The following SP4 variants were observed in gnomAD, a reference collection of about 807,000 sequenced individuals.
SP4 encodes the protein transcription factor Sp4.
In SP4, 19 loss-of-function variants were observed where a neutral mutation model predicts 72.8. The ratio of observed to expected loss-of-function variants is 0.26; its 90% CI spans 0.18 to 0.38. The LOEUF is 0.38. Ranked by LOEUF, SP4 falls within the 10% of genes least tolerant of loss-of-function variation. SP4 has a pLI of 1.00. For synonymous variants in SP4, 395 were observed against 333.1 expected (o/e 1.19, Z -2.02); for missense variants, 1,008 against 926.3 (o/e 1.09, Z -1.14).
At position 21,436,191 on chromosome 7, in the gene SP4, G is replaced by A. The variant is rs183732062; in HGVS notation, c.1678+5348G>A. Among the ~76,000 whole-genome samples the A allele has an allele frequency of 2.4e-4, 37 of 152,270 alleles. 1 individual carries two copies. The East Asian group carries it at 6.4e-3, about 26-fold the overall frequency. ...TGGGATTACAGGCATGAGGCACTGT[G>A]TCTGGCTGAAAATAGAGTTTTAATC... On this transcript the variant is annotated intron_variant, in intron 3 of 5. Coordinates refer to ENST00000222584, the MANE Select transcript of SP4 (RefSeq NM_003112.5).
intron 3 of SP4, among the ~76,000 whole-genome samples, chr7:21,460,552 C>T (rs916372188): frequency 3.9e-5 from 6 of 152,152 alleles, no homozygotes; most frequent in African/African-American, 9.7e-5. Flanking sequence ...GAAGGGGACC[C>T]GAGCGGGTTG....
intron 3 of SP4, among the ~76,000 whole-genome samples, chr7:21,453,650 A>G (rs1424519366): frequency 6.6e-6 from 1 of 152,244 alleles, no homozygotes; most frequent in African/African-American, 2.4e-5. Flanking sequence ...AACCTTATAG[A>G]CAAATCTATT....
At position 21,428,142 on chromosome 7, in the gene SP4, C is replaced by G. The variant is rs1323538608; in HGVS notation, c.-110C>G. On this transcript the variant is annotated 5_prime_UTR_variant, in exon 1 of 6. Coordinates refer to ENST00000222584, the MANE Select transcript of SP4 (RefSeq NM_003112.5). ...CAGAGCCTGTGCCAGCTACAGCCTCCTCCGAGCCACCGCGGGCGGGCGGGA... is the reference window on the plus strand; with the variant it reads ...CAGAGCCTGTGCCAGCTACAGCCTCGTCCGAGCCACCGCGGGCGGGCGGGA... 7 of 729,222 alleles carry G rather than the reference C, an allele frequency of 9.6e-6. No individual in the cohort carries two copies. Among genetic ancestry groups the G allele is most frequent in the Non-Finnish European group, 1.5e-5 (6 of 396,308 alleles). 45.2% of individuals were successfully genotyped at this position (729,222 alleles called of 1,614,324 possible).
At chr7:21,508,807 CTTT>C (rs11418275) in intron 5 of SP4, among the ~76,000 whole-genome samples, 3 of 111,530 alleles carry the variant, frequency 2.7e-5, no homozygotes, top group South Asian at 6.5e-4. Flanking sequence ...TGTCTACACA[CTTT>C]TTTTTTTTTT....
intron 3 of SP4, among the ~76,000 whole-genome samples, chr7:21,451,164 A>G (rs911632451): frequency 5.9e-5 from 9 of 152,044 alleles, no homozygotes. Context: ...TTCCCTTACC[A>G]GTCTAGTGCT....
chr7:21,488,116 C>T (rs1015344995), intron 5 of SP4, among the ~76,000 whole-genome samples: 4 of 152,150 alleles, frequency 2.6e-5, no homozygotes, highest in Non-Finnish European at 4.4e-5. Flanking sequence ...CCATCCTCCT[C>T]AGCCTCCTGG....
intron 3 of SP4, among the ~76,000 whole-genome samples, chr7:21,432,442 GT>G (rs1562582515): frequency 1.3e-5 from 2 of 152,170 alleles, no homozygotes; most frequent in Non-Finnish European, 2.9e-5. Flanking sequence ...TTAGTGAGTT[GT>G]GATTAATTAA....
intron 3 of SP4, among the ~76,000 whole-genome samples, chr7:21,442,459 G>A (rs956694120): frequency 6.6e-6 from 1 of 152,182 alleles, no homozygotes; most frequent in Non-Finnish European, 1.5e-5. Context: ...GTACATGATA[G>A]ATATCATCTA....
intron 3 of SP4, among the ~76,000 whole-genome samples, chr7:21,436,151 A>G (rs902495093): frequency 4.6e-5 from 7 of 152,164 alleles, no homozygotes; most frequent in African/African-American, 1.4e-4. Context: ...TCCCCACCTC[A>G]GCCTCCCAAA....
intron 5 of SP4, among the ~76,000 whole-genome samples, chr7:21,490,222 T>G (rs915797786): frequency 2.0e-5 from 3 of 152,202 alleles, no homozygotes; most frequent in African/African-American, 7.2e-5. Flanking sequence ...ATAGAGATCT[T>G]TTTCCCTCCT....
chr7:21,477,236 A>C lies in SP4; in HGVS notation c.1836A>C (p.Gln612His), dbSNP rs753279950. The part of the protein sequence containing the change: ...HLQQGQQTSD[Q>H]EVQPGKRLRR... ...AGCAAGGCCAGCAGACTTCTGATCA[A>C]GAGGTACAACCTGGCAAGAGGCTTC... is the stretch of plus-strand genomic sequence containing the variant. The change falls in exon 4 of 6, where the codon CAA (glutamine) becomes CAC (histidine). Residue 612 changes from glutamine to histidine, a missense_variant. Around this residue, in one of 3 missense-constraint regions of SP4, gnomAD observed 893 missense variants for 743.3 expected, o/e 1.20. Transcript: ENST00000222584. The C allele has an allele frequency of 2.5e-6, 4 of 1,614,226 alleles. No individual in the cohort carries two copies. In the South Asian group the frequency reaches 3.3e-5, roughly 13 times the overall value.
chr7:21,443,168 A>T lies in SP4; in HGVS notation c.1678+12325A>T, dbSNP rs546957252. On this transcript the variant is annotated intron_variant, in intron 3 of 5. Coordinates refer to ENST00000222584, the MANE Select transcript of SP4 (RefSeq NM_003112.5). ...AGTATGTGTATTAATTTATAATTCT[A>T]TTTTTTCTCACACCTTGATGAGCAT... Among the ~76,000 whole-genome samples the T allele has an allele frequency of 3.3e-5, 5 of 152,268 alleles. No homozygotes were observed. The South Asian group carries it at 1.0e-3, about 31-fold the overall frequency.
At chr7:21,428,580 T>G in intron 1 of SP4, 97 bp from the exon 2 acceptor site, 4 of 1,176,462 alleles carry the variant, frequency 3.4e-6, no homozygotes, top group Non-Finnish European at 4.8e-6. Context: ...GAGATTAATG[T>G]TCGGGGGGAG....
At chr7:21,503,690 A>G (rs188720481) in intron 5 of SP4, among the ~76,000 whole-genome samples, 207 of 152,344 alleles carry the variant, frequency 1.4e-3, no homozygotes, top group African/African-American at 4.8e-3. Context: ...AAGGTAATCT[A>G]CCATCACCAG....
At chr7:21,428,622 A>G (rs1782711668) in intron 1 of SP4, 55 bp from the exon 2 acceptor site, 1 of 1,469,900 alleles carries the variant, frequency 6.8e-7, no homozygotes, top group South Asian at 1.2e-5. Context: ...AAGACGAATA[A>G]TAATAATCCT....
chr7:21,438,867 T>TC (rs1306607477), intron 3 of SP4, among the ~76,000 whole-genome samples: 1 of 152,242 alleles, frequency 6.6e-6, no homozygotes, highest in Admixed American at 6.5e-5. Flanking sequence ...CACAGTGTGT[T>TC]CAAGTATTTT....
intron 3 of SP4, among the ~76,000 whole-genome samples, chr7:21,432,924 A>G (rs1782914050): frequency 6.6e-6 from 1 of 152,090 alleles, no homozygotes. Context: ...TACCCGGGGG[A>G]TCCAGGCTGC....
intron 5 of SP4, among the ~76,000 whole-genome samples, chr7:21,509,046 T>C (rs1214019125): frequency 1.3e-5 from 2 of 152,148 alleles, no homozygotes; most frequent in African/African-American, 2.4e-5. Context: ...TTTCAATTTT[T>C]TTCTTCCAGT....
chr7:21,511,613 G>A lies in SP4; in HGVS notation c.*344G>A, dbSNP rs1782144696. 1 of 189,534 alleles carries A rather than the reference G, an allele frequency of 5.3e-6. No homozygotes were observed. Among genetic ancestry groups the A allele is most frequent in the Admixed American group, 5.3e-5 (1 of 18,804 alleles). The allele number at this position is 189,534 out of a possible 1,614,324, so 11.7% of individuals were successfully genotyped here. A position where few individuals can be genotyped will look rare whatever the true frequency, so the allele number is the denominator to read the frequency against. On this transcript the variant is annotated 3_prime_UTR_variant, in exon 6 of 6. Coordinates refer to ENST00000222584, the MANE Select transcript of SP4 (RefSeq NM_003112.5). ...TAGTTTGCAGGCTGGACCTTAATTG[G>A]ACTTATTTTCTTTGAAAGTACTTTG...
Sources: allele counts gnomAD v4.1 joint callset (sites outside exome capture counted in the v4.1 genomes callset), GRCh38; gene constraint gnomAD v4.1.1; regional missense constraint gnomAD v4.1.1; transcripts MANE v1.5; gene names NCBI Gene and HGNC (gene_info 2026-07-23, HGNC 2026-07-21).